The following POFUT3 variants were observed in gnomAD, a reference collection of about 807,000 sequenced individuals.
The protein encoded by POFUT3 is GDP-fucose protein O-fucosyltransferase 3.
At chr8:33,399,287 G>A in the POFUT3 span, among the ~76,000 whole-genome samples, 1 of 152,098 alleles carries the variant, frequency 6.6e-6, no homozygotes, top group Non-Finnish European at 1.5e-5. Context: ...CAATTACTAG[G>A]AGAAGTGTGT....
At chr8:33,447,170 C>T in the POFUT3 span, among the ~76,000 whole-genome samples, 6 of 152,224 alleles carry the variant, frequency 3.9e-5, no homozygotes, top group East Asian at 1.9e-4. Context: ...GATTCCAGGC[C>T]GGGCGCGGTG....
At chr8:33,436,781 C>A in the POFUT3 span, 1 of 505,390 alleles carries the variant, frequency 2.0e-6, no homozygotes, top group Non-Finnish European at 3.6e-6. Flanking sequence ...AAAATAGCGG[C>A]CAATTTTTTT....
At chr8:33,381,746 A>C in the POFUT3 span, among the ~76,000 whole-genome samples, 1 of 152,210 alleles carries the variant, frequency 6.6e-6, no homozygotes, top group African/African-American at 2.4e-5. Flanking sequence ...CGGTAGTACT[A>C]ACAGCTGGCT....
At chr8:33,411,894 C>T in the POFUT3 span, among the ~76,000 whole-genome samples, 4,431 of 152,298 alleles carry the variant, frequency 0.029, 215 homozygotes, top group African/African-American at 0.1. Context: ...CTGGGAATTT[C>T]ACTGGGCAGC....
chr8:33,314,358 T>C, the POFUT3 span, among the ~76,000 whole-genome samples: 1 of 152,298 alleles, frequency 6.6e-6, no homozygotes, highest in South Asian at 2.1e-4. Context: ...GGTGTTCTTT[T>C]GTATTATTTG....
the POFUT3 span, among the ~76,000 whole-genome samples, chr8:33,323,961 T>C: frequency 6.6e-6 from 1 of 152,160 alleles, no homozygotes; most frequent in South Asian, 2.1e-4. Flanking sequence ...AATAGACATG[T>C]ATTTCTTGCT....
chr8:33,447,549 G>A, the POFUT3 span, among the ~76,000 whole-genome samples: 981 of 152,174 alleles, frequency 6.4e-3, 5 homozygotes, highest in Admixed American at 0.011. Flanking sequence ...TGTTAATGTA[G>A]CTAAATCCTT....
At chr8:33,386,011 A>T in the POFUT3 span, among the ~76,000 whole-genome samples, 1 of 151,916 alleles carries the variant, frequency 6.6e-6, no homozygotes, top group Non-Finnish European at 1.5e-5. Flanking sequence ...AACATGGCGG[A>T]AACTCTGTCT....
the POFUT3 span, chr8:33,388,794 A>G: frequency 1.6e-6 from 1 of 627,348 alleles, no homozygotes; most frequent in East Asian, 2.7e-5. Context: ...AAACTTTACG[A>G]CAGTCCCAAA....
At chr8:33,388,329 C>A in the POFUT3 span, among the ~76,000 whole-genome samples, 1 of 83,874 alleles carries the variant, frequency 1.2e-5, no homozygotes, top group Non-Finnish European at 2.2e-5. Flanking sequence ...AAGCAGAACT[C>A]TTTTTTTTTT....
At chr8:33,466,714 C>T in the POFUT3 span, among the ~76,000 whole-genome samples, 2 of 152,210 alleles carry the variant, frequency 1.3e-5, no homozygotes, top group African/African-American at 4.8e-5. Flanking sequence ...GGCAGACTTG[C>T]AGAGAGCACT....
At chr8:33,347,312 T>C in the POFUT3 span, among the ~76,000 whole-genome samples, 2 of 152,206 alleles carry the variant, frequency 1.3e-5, no homozygotes, top group African/African-American at 4.8e-5. Context: ...TAAAGTACCA[T>C]AGGTTCTGCA....
the POFUT3 span, among the ~76,000 whole-genome samples, chr8:33,469,910 C>T: frequency 1.3e-5 from 2 of 150,532 alleles, no homozygotes; most frequent in East Asian, 3.9e-4. Flanking sequence ...ATTCTCCTGC[C>T]TCAGCCTCCC....
chr8:33,408,639 C>G, the POFUT3 span, among the ~76,000 whole-genome samples: 1 of 152,186 alleles, frequency 6.6e-6, no homozygotes, highest in East Asian at 1.9e-4. Flanking sequence ...TTTTAGTCTC[C>G]TGATTGGAAA....
chr8:33,445,319 A>T, the POFUT3 span, among the ~76,000 whole-genome samples: 4 of 152,160 alleles, frequency 2.6e-5, no homozygotes, highest in Non-Finnish European at 4.4e-5. Flanking sequence ...AAAAGTCTTA[A>T]ATCTGGCACA....
chr8:33,402,078 TAGGTGC>T, the POFUT3 span, among the ~76,000 whole-genome samples: 1 of 152,090 alleles, frequency 6.6e-6, no homozygotes, highest in African/African-American at 2.4e-5. Context: ...TTTTCTAAGT[TAGGTGC>T]ATTATATCCT....
the POFUT3 span, among the ~76,000 whole-genome samples, chr8:33,417,847 A>C: frequency 6.6e-6 from 1 of 152,176 alleles, no homozygotes; most frequent in East Asian, 1.9e-4. Context: ...CTCAGCCAGG[A>C]TCAGCCGGAA....
chr8:33,377,344 T>C, the POFUT3 span, among the ~76,000 whole-genome samples: 2 of 152,154 alleles, frequency 1.3e-5, no homozygotes, highest in African/African-American at 4.8e-5. Flanking sequence ...AAGCTACCTT[T>C]AAAAATAATG....
the POFUT3 span, among the ~76,000 whole-genome samples, chr8:33,366,084 A>C: frequency 1.3e-5 from 2 of 152,256 alleles, no homozygotes; most frequent in African/African-American, 4.8e-5. Context: ...GCCATAAAAA[A>C]GGATGAGTTC....
Sources: gnomAD v4.1 joint callset for allele counts (sites outside exome capture counted in the v4.1 genomes callset) on GRCh38, gnomAD v4.1.1 for gene constraint, MANE v1.5 for transcripts, NCBI Gene and HGNC (gene_info 2026-07-23, HGNC 2026-07-21) for gene names.